Variants in LHFPL3 observed in about 807,000 individuals in gnomAD.
LHFPL3 encodes LHFPL tetraspan subfamily member 3.
A neutral mutation model predicts 19.3 loss-of-function variants in LHFPL3; 5 were observed. That is an observed-to-expected ratio of 0.26 (90% CI 0.14 to 0.54). The LOEUF is 0.54. Ranked by LOEUF, LHFPL3 falls within the 20% of genes least tolerant of loss-of-function variation. The pLI is 0.94. For missense variants in LHFPL3, 249 were observed against 307.4 expected, an observed-to-expected ratio of 0.81 and a Z score of 1.42; for synonymous variants, 133 against 126.2, an observed-to-expected ratio of 1.05 and a Z score of -0.36.
intron 1 of LHFPL3, among the ~76,000 whole-genome samples, chr7:104,691,580 GT>G (rs112878550): frequency 1.3e-5 from 2 of 152,264 alleles, no homozygotes; most frequent in African/African-American, 4.8e-5. Context: ...ATGGCCAGAT[GT>G]GTGATTATGT....
At chr7:104,885,736 C>G (rs1792134914) in intron 2 of LHFPL3, among the ~76,000 whole-genome samples, 1 of 152,152 alleles carries the variant, frequency 6.6e-6, no homozygotes, top group Non-Finnish European at 1.5e-5. Context: ...GTCACTCACT[C>G]ACTCACAGTG....
At chr7:104,639,117 T>G (rs929914827) in intron 1 of LHFPL3, among the ~76,000 whole-genome samples, 3 of 152,180 alleles carry the variant, frequency 2.0e-5, no homozygotes, top group Non-Finnish European at 4.4e-5. Context: ...TTGAGAATTT[T>G]TACATCAATA....
intron 1 of LHFPL3, among the ~76,000 whole-genome samples, chr7:104,412,921 G>A (rs1791558802): frequency 1.3e-5 from 2 of 152,120 alleles, no homozygotes; most frequent in South Asian, 4.1e-4. Flanking sequence ...TCTGTCATTA[G>A]CATGCCTGTT....
intron 1 of LHFPL3, among the ~76,000 whole-genome samples, chr7:104,331,686 A>G (rs965769637): frequency 6.6e-6 from 1 of 152,204 alleles, no homozygotes; most frequent in Non-Finnish European, 1.5e-5. Context: ...GCAGTGGCTC[A>G]TGCCTGTAAT....
chr7:104,364,778 C>A (rs1181232015), intron 1 of LHFPL3, among the ~76,000 whole-genome samples: 1 of 152,230 alleles, frequency 6.6e-6, no homozygotes, highest in Non-Finnish European at 1.5e-5. Flanking sequence ...TCATTTAACC[C>A]TGTTTTCTTC....
rs1283911993 is a variant in LHFPL3 at position 104,614,679 on chromosome 7, C to CTTT, written c.446-121996_446-121995insTTT. On this transcript the variant is annotated intron_variant, in intron 1 of 2. Coordinates refer to ENST00000424859, the MANE Select transcript of LHFPL3 (RefSeq NM_199000.3). ...TCCTTCCTTCCTTCCTTCCTTCCTT[C>CTTT]CTTCTTTCTTTCTTTCTTTCTTTCT... 3.9e-3 allele frequency among the ~76,000 whole-genome samples: 403 copies of CTTT among 103,026 alleles called. 3 individuals are homozygous for CTTT. The highest frequency in any genetic ancestry group is 0.021 in the East Asian group (79 of 3,830). The allele number at this position is 103,026 out of a possible 152,430, so 67.6% of individuals were successfully genotyped here. A position where few individuals can be genotyped will look rare whatever the true frequency, so the allele number is the denominator to read the frequency against.
intron 2 of LHFPL3, among the ~76,000 whole-genome samples, chr7:104,901,554 C>T (rs1458799537): frequency 2.0e-5 from 3 of 150,698 alleles, no homozygotes; most frequent in African/African-American, 7.3e-5. Flanking sequence ...AGGGGGCAAG[C>T]TTTTTTGTTT....
intron 2 of LHFPL3, among the ~76,000 whole-genome samples, chr7:104,748,278 T>C (rs1476792651): frequency 1.3e-5 from 2 of 151,916 alleles, no homozygotes; most frequent in South Asian, 2.1e-4. Flanking sequence ...CCCCATGTGA[T>C]AGTCTGAAAT....
At chr7:104,880,108 C>G (rs1707567067) in intron 2 of LHFPL3, among the ~76,000 whole-genome samples, 1 of 151,810 alleles carries the variant, frequency 6.6e-6, no homozygotes, top group Non-Finnish European at 1.5e-5. Flanking sequence ...CCCTCTAAAT[C>G]TCATGTTGAA....
intron 1 of LHFPL3, among the ~76,000 whole-genome samples, chr7:104,479,529 T>G (rs1281214833): frequency 1.3e-5 from 2 of 152,044 alleles, no homozygotes; most frequent in Non-Finnish European, 2.9e-5. Flanking sequence ...GTAGCTGGGA[T>G]TACAGGTGCC....
chr7:104,373,932 A>G (rs985849649), intron 1 of LHFPL3, among the ~76,000 whole-genome samples: 6 of 152,196 alleles, frequency 3.9e-5, no homozygotes, highest in African/African-American at 7.2e-5. Flanking sequence ...AAACAAAAAA[A>G]CATGTTTTGG....
At chr7:104,625,250 G>T (rs1197576583) in intron 1 of LHFPL3, among the ~76,000 whole-genome samples, 2 of 152,194 alleles carry the variant, frequency 1.3e-5, no homozygotes, top group African/African-American at 4.8e-5. Flanking sequence ...CATGAAAAAA[G>T]AAGGTGTCCT....
At chr7:104,904,747 C>T (rs765735122) in intron 2 of LHFPL3, among the ~76,000 whole-genome samples, 4 of 152,102 alleles carry the variant, frequency 2.6e-5, no homozygotes, top group Non-Finnish European at 4.4e-5. Context: ...ATATGGCACA[C>T]CGTGACCAGC....
chr7:104,456,250 A>G lies in LHFPL3; in HGVS notation c.445+127026A>G, dbSNP rs540550991. ...ATTATGACTAGATAATTAACTCAAG[A>G]TAGAGCCGTCAGCTGCTTACTTTCA... On this transcript the variant is annotated intron_variant, in intron 1 of 2. Transcript: ENST00000424859. Among the ~76,000 whole-genome samples, 3 of 152,352 alleles carry G rather than the reference A, an allele frequency of 2.0e-5. No individual in the cohort carries two copies. The South Asian group carries it at 6.2e-4, about 32-fold the overall frequency.
At chr7:104,526,853 A>T (rs1262952081) in intron 1 of LHFPL3, among the ~76,000 whole-genome samples, 1 of 152,204 alleles carries the variant, frequency 6.6e-6, no homozygotes. Context: ...TATTCCAATA[A>T]TGAAGAAGAT....
intron 2 of LHFPL3, among the ~76,000 whole-genome samples, chr7:104,781,164 G>A (rs1251723891): frequency 6.6e-6 from 1 of 152,078 alleles, no homozygotes; most frequent in Admixed American, 6.5e-5. Flanking sequence ...AATTTTCTTT[G>A]TTTCTCTGCT....
chr7:104,621,839 C>T (rs1791451519), intron 1 of LHFPL3, among the ~76,000 whole-genome samples: 1 of 152,106 alleles, frequency 6.6e-6, no homozygotes, highest in African/African-American at 2.4e-5. Context: ...AACTTTATAG[C>T]AACTTCGAAA....
chr7:104,731,548 G>A (rs1793705177), intron 1 of LHFPL3, among the ~76,000 whole-genome samples: 1 of 152,072 alleles, frequency 6.6e-6, no homozygotes, highest in African/African-American at 2.4e-5. Flanking sequence ...GTATAAGAAT[G>A]CTTGTGATTT....
chr7:104,686,523 G>T (rs1317981657), intron 1 of LHFPL3, among the ~76,000 whole-genome samples: 2 of 152,164 alleles, frequency 1.3e-5, no homozygotes, highest in Non-Finnish European at 2.9e-5. Flanking sequence ...GAAGTGTGTG[G>T]AGTTGTCCCC....
Sources: gnomAD v4.1 joint callset for allele counts (sites outside exome capture counted in the v4.1 genomes callset) on GRCh38, gnomAD v4.1.1 for gene constraint, MANE v1.5 for transcripts, NCBI Gene and HGNC (gene_info 2026-07-23, HGNC 2026-07-21) for gene names.